Variants in KCNQ5 observed in about 807,000 individuals in gnomAD.
KCNQ5 encodes potassium voltage-gated channel subfamily Q member 5.
KCNQ5 carries 30 observed loss-of-function variants against 98.2 expected under a neutral mutation model. That is an observed-to-expected ratio of 0.31 (90% confidence interval 0.23 to 0.41). The LOEUF (loss-of-function observed/expected upper bound fraction) is 0.41. Ranked by LOEUF, KCNQ5 falls within the 10% of genes least tolerant of loss-of-function variation. KCNQ5 has a pLI of 1.00. For synonymous variants in KCNQ5, 458 were observed against 449.4 expected, an observed-to-expected ratio of 1.02 and a Z score of -0.24; for missense variants, 835 against 1,182.5, an observed-to-expected ratio of 0.71 and a Z score of 4.31.
chr6:72,648,724 C>A (rs1342049469), intron 1 of KCNQ5, among the ~76,000 whole-genome samples: 1 of 149,838 alleles, frequency 6.7e-6, no homozygotes, highest in Non-Finnish European at 1.5e-5. Context: ...TTTTTTAAAA[C>A]CTAAGCCTGC....
chr6:73,107,322 T>C (rs1775044600), intron 6 of KCNQ5, among the ~76,000 whole-genome samples: 1 of 152,152 alleles, frequency 6.6e-6, no homozygotes, highest in African/African-American at 2.4e-5. Flanking sequence ...TCAGAGAAAA[T>C]TCTGATAAAC....
At chr6:72,858,832 A>G (rs1392747901) in intron 1 of KCNQ5, among the ~76,000 whole-genome samples, 1 of 152,134 alleles carries the variant, frequency 6.6e-6, no homozygotes, top group Non-Finnish European at 1.5e-5. Context: ...TCAAAAGAGC[A>G]TAAAAACTGG....
At chr6:73,004,066 G>A (rs912255750) in intron 2 of KCNQ5, 68 bp downstream of exon 2, 4 of 836,192 alleles carry the variant, frequency 4.8e-6, no homozygotes, top group Non-Finnish European at 7.9e-6. Context: ...TTTATACTAT[G>A]CATCTTATCC....
intron 1 of KCNQ5, among the ~76,000 whole-genome samples, chr6:72,916,642 C>G (rs1780154045): frequency 6.6e-6 from 1 of 152,288 alleles, no homozygotes; most frequent in African/African-American, 2.4e-5. Flanking sequence ...GAACATTTTT[C>G]CTATTGTCAG....
chr6:73,003,804 T>G, intron 1 of KCNQ5, 104 bp from the exon 2 acceptor site: 1 of 720,192 alleles, frequency 1.4e-6, no homozygotes. Flanking sequence ...AGTTAATGTG[T>G]GCTAATTTAA....
At chr6:73,117,585 GT>G (rs1272982450) in intron 7 of KCNQ5, among the ~76,000 whole-genome samples, 3 of 152,090 alleles carry the variant, frequency 2.0e-5, no homozygotes, top group Non-Finnish European at 4.4e-5. Context: ...TTGTTCTGTT[GT>G]TTTGGATTTT....
At chr6:73,101,560 C>A (rs1161049692) in intron 5 of KCNQ5, among the ~76,000 whole-genome samples, 1 of 152,062 alleles carries the variant, frequency 6.6e-6, no homozygotes, top group Non-Finnish European at 1.5e-5. Context: ...AGTCAAGTTG[C>A]AGAATACAAA....
rs1554218359 is a variant in KCNQ5, at chr6:73,170,576, A to AG, written c.1577+722_1577+723insG. 8.6e-5 allele frequency among the ~76,000 whole-genome samples: 13 copies of AG among 151,054 alleles called. 1 individual carries two copies. Among genetic ancestry groups the AG allele is most frequent in the South Asian group, 4.2e-4 (2 of 4,798 alleles). Reference sequence around the variant, plus strand: ...TGAGTAACTATATTGCAAAAAAAAAAAAAAGAAAAGAAAAGAAAAGAAATA... The same window carrying AG: ...TGAGTAACTATATTGCAAAAAAAAAAGAAAAGAAAAGAAAAGAAAAGAAATA... On this transcript the variant is annotated intron_variant, in intron 11 of 13. Coordinates refer to ENST00000370398, the MANE Select transcript of KCNQ5 (RefSeq NM_019842.4).
At chr6:73,153,684 T>G (rs994120588) in intron 10 of KCNQ5, among the ~76,000 whole-genome samples, 1 of 151,904 alleles carries the variant, frequency 6.6e-6, no homozygotes, top group Non-Finnish European at 1.5e-5. Context: ...TAAGTCTATC[T>G]CTTTAGAAAA....
intron 1 of KCNQ5, among the ~76,000 whole-genome samples, chr6:72,966,154 G>A (rs6924279): frequency 0.88 from 133,315 of 152,238 alleles, 58,780 homozygotes; most frequent in Non-Finnish European, 0.93. Context: ...TCTTGTTGCT[G>A]TCTCATAAAT....
intron 1 of KCNQ5, among the ~76,000 whole-genome samples, chr6:72,878,428 TC>T (rs1235654226): frequency 6.8e-6 from 1 of 146,872 alleles, no homozygotes; most frequent in Non-Finnish European, 1.5e-5. Context: ...AGGCTTTTTT[TC>T]CCCCCTTACA....
At chr6:73,081,642 A>G (rs966703830) in intron 5 of KCNQ5, among the ~76,000 whole-genome samples, 1 of 152,220 alleles carries the variant, frequency 6.6e-6, no homozygotes, top group Non-Finnish European at 1.5e-5. Flanking sequence ...ACTAATGTAC[A>G]TAGATTTACT....
At chr6:72,876,817 A>G (rs774611924) in intron 1 of KCNQ5, among the ~76,000 whole-genome samples, 16 of 152,216 alleles carry the variant, frequency 1.1e-4, no homozygotes, top group Non-Finnish European at 2.2e-4. Flanking sequence ...TCAAGTTTAC[A>G]GAGTACAGAA....
intron 1 of KCNQ5, among the ~76,000 whole-genome samples, chr6:72,930,512 G>A (rs1765644426): frequency 6.9e-6 from 1 of 144,240 alleles, no homozygotes; most frequent in Non-Finnish European, 1.5e-5. Flanking sequence ...AGAGGATTTA[G>A]CTAATTTTTT....
chr6:72,833,840 T>G (rs949508294), intron 1 of KCNQ5, among the ~76,000 whole-genome samples: 1 of 152,152 alleles, frequency 6.6e-6, no homozygotes, highest in Admixed American at 6.5e-5. Flanking sequence ...ATTTATATGA[T>G]GGAATAACTA....
rs1430339905 is a variant in KCNQ5 at position 72,972,094 on chromosome 6, G to T, written c.399-31814G>T. On this transcript the variant is annotated intron_variant, in intron 1 of 13. Transcript: ENST00000370398. ...TGGCTTCTTGATGGGGTCAAAGGCT[G>T]TATTGCCTTCTAGCTACCGGTAAAG... Among the ~76,000 whole-genome samples, 4 of 152,264 alleles carry T rather than the reference G, an allele frequency of 2.6e-5. No individual in the cohort carries two copies. In the East Asian group the frequency reaches 7.7e-4, roughly 29 times the overall value.
intron 1 of KCNQ5, among the ~76,000 whole-genome samples, chr6:72,871,721 A>C (rs557781828): frequency 6.6e-6 from 1 of 152,316 alleles, no homozygotes; most frequent in South Asian, 2.1e-4. Context: ...AAAATCAAAG[A>C]AACTGCCCCA....
Position 73,077,337 on chromosome 6 carries a change from T to C in KCNQ5, c.632T>C (p.Ile211Thr). The change falls in exon 4 of 14, where the codon ATC becomes ACC. Residue 211 changes from isoleucine (I) to threonine (T), a missense_variant. By Grantham distance (89) the Ile-to-Thr change is moderately conservative. Around this residue, in one of 10 missense-constraint regions of KCNQ5, gnomAD observed 48 missense variants for 112.1 expected, o/e 0.43. Coordinates refer to ENST00000370398, the MANE Select transcript of KCNQ5 (RefSeq NM_019842.4). Reference protein sequence around the residue: ...PFCVIDTIVLIASIAVVSAKT... With the variant: ...PFCVIDTIVLTASIAVVSAKT... Reference sequence around the variant, plus strand: ...TTTCTTTCAGATACCATTGTTCTTATCGCTTCAATAGCAGTTGTTTCTGCA... The same window carrying C: ...TTTCTTTCAGATACCATTGTTCTTACCGCTTCAATAGCAGTTGTTTCTGCA... 6.2e-7 allele frequency: 1 copy of C among 1,614,098 alleles called. No individual in the cohort carries two copies. Among genetic ancestry groups the C allele is most frequent in the Non-Finnish European group, 8.5e-7 (1 of 1,179,986 alleles).
chr6:72,800,251 T>C (rs1582313752), intron 1 of KCNQ5, among the ~76,000 whole-genome samples: 3 of 152,338 alleles, frequency 2.0e-5, no homozygotes, highest in African/African-American at 4.8e-5. Context: ...TGTGAATCCA[T>C]CTGGTCCTAG....
Sources: allele counts gnomAD v4.1 joint callset (sites outside exome capture counted in the v4.1 genomes callset), GRCh38; gene constraint gnomAD v4.1.1; regional missense constraint gnomAD v4.1.1; transcripts MANE v1.5; gene names NCBI Gene and HGNC (gene_info 2026-07-23, HGNC 2026-07-21).